ADCY2: variants seen among roughly 807,000 people sequenced by gnomAD.
ADCY2 encodes the protein adenylate cyclase 2.
A neutral mutation model predicts 125.2 loss-of-function variants in ADCY2; 31 were observed. The ratio of observed to expected loss-of-function variants is 0.25; its 90% confidence interval spans 0.19 to 0.33. The LOEUF (loss-of-function observed/expected upper bound fraction) is 0.33, where lower values mean the gene tolerates loss of function less well. Ranked by LOEUF, ADCY2 falls within the 10% of genes least tolerant of loss-of-function variation. The pLI, the probability that ADCY2 is intolerant of heterozygous loss-of-function variation, is 1.00. For missense variants in ADCY2, 904 were observed against 1,418.2 expected (o/e 0.64, Z 5.82); for synonymous variants, 512 against 548.4 (o/e 0.93, Z 0.93).
intron 19 of ADCY2, among the ~76,000 whole-genome samples, chr5:7,787,715 G>T (rs978793940): frequency 2.6e-5 from 4 of 152,052 alleles, no homozygotes; most frequent in Non-Finnish European, 5.9e-5. Context: ...AATAGATTTG[G>T]CAAAATGTCA....
intron 4 of ADCY2, among the ~76,000 whole-genome samples, chr5:7,634,850 G>A (rs775900126): frequency 6.6e-6 from 1 of 152,124 alleles, no homozygotes; most frequent in South Asian, 2.1e-4. Flanking sequence ...ATAATTTCAT[G>A]AGAAGATATA....
chr5:7,686,003 T>G (rs1740508688), intron 4 of ADCY2, among the ~76,000 whole-genome samples: 1 of 152,188 alleles, frequency 6.6e-6, no homozygotes, highest in Non-Finnish European at 1.5e-5. Context: ...CATCCTGATG[T>G]AATTGAAATT....
chr5:7,423,777 T>G (rs994714232), intron 2 of ADCY2, among the ~76,000 whole-genome samples: 12 of 152,224 alleles, frequency 7.9e-5, no homozygotes, highest in Admixed American at 6.5e-5. Context: ...CTTGCTTGAA[T>G]GGACAATTCT....
chr5:7,452,474 A>G (rs911435705), intron 2 of ADCY2, among the ~76,000 whole-genome samples: 1 of 152,190 alleles, frequency 6.6e-6, no homozygotes, highest in African/African-American at 2.4e-5. Flanking sequence ...TGGTGTATGT[A>G]TATCACATTT....
chr5:7,400,406 C>T (rs1739220112), intron 1 of ADCY2, among the ~76,000 whole-genome samples: 1 of 152,078 alleles, frequency 6.6e-6, no homozygotes, highest in South Asian at 2.1e-4. Flanking sequence ...ATCAATGTTC[C>T]AGCATCAGAT....
chr5:7,626,797 C>A (rs994195137), intron 4 of ADCY2, among the ~76,000 whole-genome samples: 2 of 152,272 alleles, frequency 1.3e-5, no homozygotes, highest in East Asian at 1.9e-4. Context: ...CCCCAAGACA[C>A]AAACACCTCC....
chr5:7,700,129 C>T (rs1741031226), intron 7 of ADCY2, among the ~76,000 whole-genome samples: 1 of 152,124 alleles, frequency 6.6e-6, no homozygotes, highest in Non-Finnish European at 1.5e-5. Context: ...AAAACCAATA[C>T]AAAAATATTT....
intron 22 of ADCY2, among the ~76,000 whole-genome samples, chr5:7,814,676 AT>A (rs1380958664): frequency 6.6e-6 from 1 of 152,132 alleles, no homozygotes; most frequent in Non-Finnish European, 1.5e-5. Context: ...GTCACCTTGA[AT>A]AGGTGCTTAT....
In ADCY2 at chr5:7,570,790, G is replaced by A. The variant is rs551142028; in HGVS notation, c.570+49891G>A. Among the ~76,000 whole-genome samples the A allele has an allele frequency of 8.1e-4, 123 of 152,072 alleles. 1 individual carries two copies. The highest frequency in any genetic ancestry group is 2.8e-3 in the African/African-American group (118 of 41,502). On this transcript the variant is annotated intron_variant, in intron 3 of 24. Coordinates refer to ENST00000338316, the MANE Select transcript of ADCY2 (RefSeq NM_020546.3). ...TTTATCACAATTCAAATATTGTATT[G>A]GTTTAACTTAATTTCATGGGAGTAA...
At chr5:7,594,815 G>A (rs551683423) in intron 3 of ADCY2, among the ~76,000 whole-genome samples, 1 of 152,228 alleles carries the variant, frequency 6.6e-6, no homozygotes, top group East Asian at 1.9e-4. Context: ...AATATCCAAA[G>A]CTCTTATGTA....
chr5:7,540,534 C>G (rs954129569), intron 3 of ADCY2, among the ~76,000 whole-genome samples: 1 of 152,136 alleles, frequency 6.6e-6, no homozygotes, highest in African/African-American at 2.4e-5. Context: ...TTTCATGAAG[C>G]ACATTTACAT....
intron 12 of ADCY2, among the ~76,000 whole-genome samples, chr5:7,719,117 C>G (rs1348142765): frequency 6.6e-6 from 1 of 152,172 alleles, no homozygotes; most frequent in African/African-American, 2.4e-5. Flanking sequence ...TCCTACCAAA[C>G]AAATCATCAG....
chr5:7,772,373 G>C (rs923135708), intron 17 of ADCY2, among the ~76,000 whole-genome samples: 1 of 152,124 alleles, frequency 6.6e-6, no homozygotes, highest in East Asian at 1.9e-4. Context: ...CTCCCGGGGG[G>C]ATTCATGACT....
Position 7,757,536 on chromosome 5 carries a change from C to T in ADCY2, c.2044C>T (p.Leu682Phe). ...IANRPWPRIS[L>F]TIITTAIILM... ...CAACCGCCCCTGGCCACGGATCTCTCTCACGATCATCACCACAGCCATCAT... is the reference window on the plus strand; with the variant it reads ...CAACCGCCCCTGGCCACGGATCTCTTTCACGATCATCACCACAGCCATCAT... Residue 682 changes from leucine to phenylalanine, a missense_variant, in exon 16 of 25, where the codon CTC (leucine) becomes TTC (phenylalanine). Physicochemically the swap from Leu to Phe is conservative, Grantham distance 22. This residue lies in a region of ADCY2 where 221 missense variants were observed against 246.2 expected (regional missense o/e 0.90). Coordinates refer to ENST00000338316, the MANE Select transcript of ADCY2 (RefSeq NM_020546.3). The T allele has an allele frequency of 1.2e-6, 2 of 1,613,398 alleles. No homozygotes were observed. The highest frequency in any genetic ancestry group is 2.7e-5 in the African/African-American group (2 of 74,686).
intron 2 of ADCY2, among the ~76,000 whole-genome samples, chr5:7,441,544 A>G (rs980864252): frequency 2.0e-5 from 3 of 152,150 alleles, no homozygotes; most frequent in African/African-American, 7.2e-5. Flanking sequence ...AAAGAAAAAA[A>G]GCCCTGATTT....
intron 4 of ADCY2, among the ~76,000 whole-genome samples, chr5:7,635,423 G>A (rs1738464037): frequency 2.0e-5 from 3 of 152,138 alleles, no homozygotes; most frequent in Admixed American, 2.0e-4. Context: ...TAGCTGCTGA[G>A]TGAAATAAAA....
intron 4 of ADCY2, 105 bp from the exon 5 acceptor site, chr5:7,690,585 AT>A (rs1352196396): frequency 1.9e-6 from 2 of 1,050,208 alleles, no homozygotes; most frequent in African/African-American, 3.3e-5. Flanking sequence ...CCAGGAAAGA[AT>A]TCCCAAACTG....
Position 7,690,757 on chromosome 5 carries a change from A to G in ADCY2, c.787A>G (p.Arg263Gly). The change falls in exon 5 of 25, where the codon AGG (arginine) becomes GGG (glycine). Residue 263 changes from arginine to glycine, a missense_variant. Transcript: ENST00000338316. ...AMEMKAEIIQ[R>G]LQGPKAGQME... ...GGAGATGAAAGCGGAGATCATCCAG[A>G]GGCTGCAGGGCCCCAAGGCGGGCCA... The G allele has an allele frequency of 5.0e-6, 8 of 1,610,834 alleles. No homozygotes were observed. Among genetic ancestry groups the G allele is most frequent in the Non-Finnish European group, 5.9e-6 (7 of 1,178,818 alleles).
chr5:7,439,848 A>G (rs867765320), intron 2 of ADCY2, among the ~76,000 whole-genome samples: 17 of 152,146 alleles, frequency 1.1e-4, no homozygotes, highest in African/African-American at 4.1e-4. Flanking sequence ...AATGTGGCAG[A>G]GAGGAGAAAT....
Sources: allele counts gnomAD v4.1 joint callset (sites outside exome capture counted in the v4.1 genomes callset), GRCh38; gene constraint gnomAD v4.1.1; regional missense constraint gnomAD v4.1.1; transcripts MANE v1.5; gene names NCBI Gene and HGNC (gene_info 2026-07-23, HGNC 2026-07-21).